MRRF: variants seen among roughly 807,000 people sequenced by gnomAD.
MRRF encodes the protein mitochondrial ribosome recycling factor, also known as ribosome-recycling factor, mitochondrial.
MRRF carries 18 observed loss-of-function variants against 25.1 expected under a neutral mutation model. The observed-to-expected ratio is 0.72, with a 90% CI of 0.50 to 1.06. The LOEUF (loss-of-function observed/expected upper bound fraction) is 1.06. MRRF is among the 50% of genes least tolerant of loss of function. The pLI is 0.00. For missense variants in MRRF, 323 were observed against 319.3 expected (o/e 1.01, Z -0.09); for synonymous variants, 113 against 112.1 (o/e 1.01, Z -0.05).
rs1280441857 is a variant in MRRF at position 122,327,600 on chromosome 9, T to G, written c.*4983T>G. On this transcript the variant is annotated 3_prime_UTR_variant, in exon 7 of 7. Coordinates refer to ENST00000344641, the MANE Select transcript of MRRF (RefSeq NM_138777.5). ...CCTTTGATGAGTCTTGGACTGAAAGTGGTGTGTTTCAGACCCCTGCTATTA... is the reference window on the plus strand; with the variant it reads ...CCTTTGATGAGTCTTGGACTGAAAGGGGTGTGTTTCAGACCCCTGCTATTA... 2 of 152,234 alleles carry G rather than the reference T, an allele frequency of 1.3e-5. No homozygotes were observed. The highest frequency in any genetic ancestry group is 2.9e-5 in the Non-Finnish European group (2 of 68,044). 9.4% of individuals were successfully genotyped at this position (152,234 alleles called of 1,614,324 possible). A position where few individuals can be genotyped will look rare whatever the true frequency, so the allele number is the denominator to read the frequency against.
chr9:122,276,451 C>T (rs73555228), intron 2 of MRRF, among the ~76,000 whole-genome samples: 3 of 152,160 alleles, frequency 2.0e-5, no homozygotes, highest in African/African-American at 7.2e-5. Flanking sequence ...GCCATCGTGT[C>T]TGACTTGAGT....
At chr9:122,292,352 C>T (rs1833830664) in intron 5 of MRRF, among the ~76,000 whole-genome samples, 1 of 152,162 alleles carries the variant, frequency 6.6e-6, no homozygotes. Flanking sequence ...CACTGGTAGT[C>T]TCTAACTTAT....
chr9:122,266,360 T>C (rs1832085129), intron 1 of MRRF, among the ~76,000 whole-genome samples: 1 of 152,180 alleles, frequency 6.6e-6, no homozygotes, highest in African/African-American at 2.4e-5. Context: ...GAAGCCGTCC[T>C]CTGAGGAAGT....
intron 3 of MRRF, among the ~76,000 whole-genome samples, chr9:122,282,146 A>G (rs1168144468): frequency 1.3e-5 from 2 of 152,176 alleles, no homozygotes; most frequent in Non-Finnish European, 2.9e-5. Flanking sequence ...AAACTTAACT[A>G]GTCTCTTTTG....
At chr9:122,280,371 A>G in intron 2 of MRRF, 72 bp from the exon 3 acceptor site, 7 of 1,500,936 alleles carry the variant, frequency 4.7e-6, no homozygotes, top group Non-Finnish European at 6.5e-6. Context: ...CATAGTAGGT[A>G]CTTCTTCACC....
At chr9:122,304,100 C>CAG (rs907283393) in intron 5 of MRRF, among the ~76,000 whole-genome samples, 1 of 150,002 alleles carries the variant, frequency 6.7e-6, no homozygotes, top group African/African-American at 2.5e-5. Flanking sequence ...CACACACACA[C>CAG]CCTTTAGGGA....
intron 2 of MRRF, among the ~76,000 whole-genome samples, chr9:122,276,052 C>T (rs542527828): frequency 8.6e-5 from 13 of 151,956 alleles, no homozygotes; most frequent in Non-Finnish European, 1.8e-4. Flanking sequence ...GGACTATAGG[C>T]ACTTGCCACC....
intron 5 of MRRF, among the ~76,000 whole-genome samples, chr9:122,304,537 A>C (rs972116580): frequency 6.6e-6 from 1 of 152,134 alleles, no homozygotes; most frequent in African/African-American, 2.4e-5. Context: ...TTATGCAAAA[A>C]TTGCACCCAA....
At chr9:122,279,097 T>A (rs1317895943) in intron 2 of MRRF, among the ~76,000 whole-genome samples, 1 of 152,174 alleles carries the variant, frequency 6.6e-6, no homozygotes, top group Admixed American at 6.5e-5. Context: ...GATCTTGAAC[T>A]CCTGACCTCG....
intron 5 of MRRF, among the ~76,000 whole-genome samples, chr9:122,296,580 C>G (rs1472128468): frequency 6.6e-6 from 1 of 152,158 alleles, no homozygotes; most frequent in Non-Finnish European, 1.5e-5. Flanking sequence ...GAATTGGGGT[C>G]TTTGTCACTG....
At chr9:122,268,956 G>C (rs1048715920) in intron 1 of MRRF, among the ~76,000 whole-genome samples, 3 of 151,810 alleles carry the variant, frequency 2.0e-5, no homozygotes, top group Non-Finnish European at 4.4e-5. Flanking sequence ...ACGAGGTCAG[G>C]AGATCGAGAC....
chr9:122,291,801 C>T lies in MRRF; in HGVS notation c.512C>T (p.Pro171Leu), dbSNP rs1373437995. ...AIRESGMNLN[P>L]EVEGTLIRVP... ...AGAGAAAGTGGAATGAATCTGAACC[C>T]AGAAGTGGAAGGGACGCTAATTCGG... Residue 171 changes from proline to leucine, a missense_variant, in exon 5 of 7, where the codon CCA (proline) becomes CTA (leucine). By Grantham distance (98) the Pro-to-Leu change is moderately conservative. Coordinates refer to ENST00000344641, the MANE Select transcript of MRRF (RefSeq NM_138777.5). 6.2e-7 allele frequency: 1 copy of T among 1,613,954 alleles called. No homozygotes were observed.
At chr9:122,271,112 T>G in intron 2 of MRRF, 37 bp downstream of exon 2, 2 of 1,564,936 alleles carry the variant, frequency 1.3e-6, no homozygotes, top group Non-Finnish European at 1.8e-6. Flanking sequence ...CTTCACCCCT[T>G]TCTTATAGTT....
intron 5 of MRRF, among the ~76,000 whole-genome samples, chr9:122,298,816 T>A (rs1834253230): frequency 6.6e-6 from 1 of 152,170 alleles, no homozygotes; most frequent in Admixed American, 6.5e-5. Flanking sequence ...TGGTCATATT[T>A]TTCTCTCTGT....
chr9:122,291,324 A>G (rs1448983160), intron 4 of MRRF, among the ~76,000 whole-genome samples: 1 of 152,226 alleles, frequency 6.6e-6, no homozygotes, highest in Non-Finnish European at 1.5e-5. Flanking sequence ...TTATTTACTC[A>G]TTCCAAATCG....
intron 5 of MRRF, among the ~76,000 whole-genome samples, chr9:122,310,114 G>A (rs1835111316): frequency 6.6e-6 from 1 of 152,234 alleles, no homozygotes; most frequent in Non-Finnish European, 1.5e-5. Context: ...CTGAAAGGGA[G>A]GTTCTGTTTC....
chr9:122,289,775 C>G (rs1833640155), intron 4 of MRRF, among the ~76,000 whole-genome samples: 1 of 151,860 alleles, frequency 6.6e-6, no homozygotes, highest in African/African-American at 2.4e-5. Context: ...CTTATAAAAT[C>G]CCAGTACTCT....
intron 2 of MRRF, among the ~76,000 whole-genome samples, chr9:122,278,774 G>A (rs745772984): frequency 1.3e-5 from 2 of 152,106 alleles, no homozygotes; most frequent in Admixed American, 6.6e-5. Flanking sequence ...TCTCTTGGGC[G>A]TTTATAAAGA....
At chr9:122,294,651 G>A (rs746255647) in intron 5 of MRRF, among the ~76,000 whole-genome samples, 1 of 152,156 alleles carries the variant, frequency 6.6e-6, no homozygotes, top group Non-Finnish European at 1.5e-5. Flanking sequence ...AGAGGATAAA[G>A]GTTGATTTAT....
Sources: gnomAD v4.1 joint callset for allele counts (sites outside exome capture counted in the v4.1 genomes callset) on GRCh38, gnomAD v4.1.1 for gene constraint, MANE v1.5 for transcripts, NCBI Gene and HGNC (gene_info 2026-07-23, HGNC 2026-07-21) for gene names.